Variants in EPS15L1 observed in about 807,000 individuals in gnomAD.
EPS15L1 encodes the protein epidermal growth factor receptor substrate 15-like 1.
Under a neutral mutation model 117.1 loss-of-function variants are expected in EPS15L1, and 43 were observed. The ratio of observed to expected loss-of-function variants is 0.37; its 90% CI spans 0.29 to 0.47. The LOEUF (loss-of-function observed/expected upper bound fraction) is 0.47, where lower values mean the gene tolerates loss of function less well. Ranked by LOEUF, EPS15L1 falls within the 20% of genes least tolerant of loss-of-function variation. The probability of loss-of-function intolerance (pLI) is 0.99; values close to 1 mark genes in which losing one functional copy is unlikely to be tolerated. For synonymous variants in EPS15L1, 459 were observed against 470.5 expected (o/e 0.98, Z 0.32); for missense variants, 981 against 1,164.0 (o/e 0.84, Z 2.29).
intron 1 of EPS15L1, among the ~76,000 whole-genome samples, chr19:16,456,294 A>C (rs1247640525): frequency 5.3e-5 from 8 of 152,146 alleles, no homozygotes; most frequent in African/African-American, 1.9e-4. Flanking sequence ...TTGTTTGCTC[A>C]CTCAATCAAC....
At chr19:16,401,081 G>C in intron 16 of EPS15L1, 1 of 985,374 alleles carries the variant, frequency 1.0e-6, no homozygotes, top group Non-Finnish European at 1.2e-6. Context: ...AAGGATGAAT[G>C]CTCATCGTTT....
intron 16 of EPS15L1, chr19:16,401,337 T>C (rs962350932): frequency 2.0e-6 from 2 of 984,754 alleles, no homozygotes; most frequent in African/African-American, 1.8e-5. Flanking sequence ...ACATCAAGCA[T>C]TGAACATAAA....
chr19:16,400,464 G>A (rs2092589320), intron 16 of EPS15L1, among the ~76,000 whole-genome samples: 1 of 151,594 alleles, frequency 6.6e-6, no homozygotes, highest in Non-Finnish European at 1.5e-5. Context: ...AGTTCCAGAT[G>A]TACCACTGTG....
chr19:16,416,641 TAAA>T (rs765054072), intron 12 of EPS15L1, among the ~76,000 whole-genome samples: 1 of 128,446 alleles, frequency 7.8e-6, no homozygotes. Context: ...TGTCTCAAAT[TAAA>T]AAAAAAAAAA....
At chr19:16,451,732 T>A (rs941768597) in intron 1 of EPS15L1, among the ~76,000 whole-genome samples, 1 of 148,778 alleles carries the variant, frequency 6.7e-6, no homozygotes, top group African/African-American at 2.5e-5. Flanking sequence ...GGTTTCACCA[T>A]GTTAGCCAGG....
At chr19:16,418,170 C>CGATCCCT (rs2092778827) in intron 10 of EPS15L1, 66 bp from the exon 11 acceptor site, 7 of 1,521,796 alleles carry the variant, frequency 4.6e-6, no homozygotes, top group African/African-American at 2.8e-5. Flanking sequence ...CCCAAGTCAC[C>CGATCCCT]GATCCCTTGC....
chr19:16,401,302 G>C (rs987680924), intron 16 of EPS15L1: 18 of 985,272 alleles, frequency 1.8e-5, no homozygotes, highest in Non-Finnish European at 2.2e-5. Context: ...TTGGGACTGA[G>C]GACTTGGCTG....
Position 16,401,018 on chromosome 19 carries a change from G to A in EPS15L1, c.1791+1303C>T, listed in dbSNP as rs865969580. 4.2e-5 allele frequency: 41 copies of A among 985,392 alleles called. No homozygotes were observed. In the Middle Eastern group the frequency reaches 2.1e-3, roughly 50 times the overall value. 61.0% of individuals were successfully genotyped at this position (985,392 alleles called of 1,614,324 possible). On this transcript the variant is annotated intron_variant, in intron 16 of 23. Coordinates refer to ENST00000455140, the MANE Select transcript of EPS15L1 (RefSeq NM_001258374.3). ...CGGGTTGTGAGACGGAAACACACACGCCAAGAACAGCCAGGGAGCAAAGCG... is the reference window on the plus strand; with the variant it reads ...CGGGTTGTGAGACGGAAACACACACACCAAGAACAGCCAGGGAGCAAAGCG...
At chr19:16,417,773 C>T in intron 11 of EPS15L1, 136 bp from the exon 12 acceptor site, 3 of 1,169,930 alleles carry the variant, frequency 2.6e-6, no homozygotes, top group Non-Finnish European at 3.7e-6. Flanking sequence ...TGTCAGCCCC[C>T]TGCCTGGGGA....
At chr19:16,422,207 A>C (rs1394370136) in intron 9 of EPS15L1, among the ~76,000 whole-genome samples, 1 of 152,160 alleles carries the variant, frequency 6.6e-6, no homozygotes, top group Non-Finnish European at 1.5e-5. Context: ...ACCAGCTCAC[A>C]GTTAACTTGA....
chr19:16,397,732 A>C (rs114264188), intron 16 of EPS15L1, among the ~76,000 whole-genome samples: 4,085 of 152,306 alleles, frequency 0.027, 64 homozygotes, highest in Middle Eastern at 0.044. Context: ...AGGTTCATTT[A>C]AACGAGAAGA....
intron 22 of EPS15L1, 152 bp from the exon 23 acceptor site, chr19:16,362,136 A>T (rs969249034): frequency 2.6e-6 from 2 of 765,122 alleles, no homozygotes; most frequent in Non-Finnish European, 4.0e-6. Flanking sequence ...TACCCTGGGG[A>T]ATCCCAGTTT....
At chr19:16,450,464 G>GCATGTCCA (rs961303990) in intron 1 of EPS15L1, among the ~76,000 whole-genome samples, 8 of 149,286 alleles carry the variant, frequency 5.4e-5, no homozygotes, top group African/African-American at 2.0e-4. Context: ...TGAGCCCCAG[G>GCATGTCCA]CATGTCCATC....
Position 16,394,008 on chromosome 19 carries a change from G to A in EPS15L1, c.1916-7C>T. 1 of 1,614,002 alleles carries A rather than the reference G, an allele frequency of 6.2e-7. No individual in the cohort carries two copies. Among genetic ancestry groups the A allele is most frequent in the Non-Finnish European group, 8.5e-7 (1 of 1,179,876 alleles). On this transcript the variant is annotated splice_polypyrimidine_tract_variant and splice_region_variant and intron_variant, in intron 17 of 23. Coordinates refer to ENST00000455140, the MANE Select transcript of EPS15L1 (RefSeq NM_001258374.3). ...TCATTCTGGAACGGGTCGCCTGGTTGGAAGAGGAGAGAAATGCTTATTAGC... is the reference window on the plus strand; with the variant it reads ...TCATTCTGGAACGGGTCGCCTGGTTAGAAGAGGAGAGAAATGCTTATTAGC...
At chr19:16,377,820 C>CA (rs2092314679) in intron 21 of EPS15L1, among the ~76,000 whole-genome samples, 1 of 152,228 alleles carries the variant, frequency 6.6e-6, no homozygotes, top group South Asian at 2.1e-4. Flanking sequence ...AGTGCATCCT[C>CA]ACATGCCCGG....
chr19:16,448,295 C>T (rs889855923), intron 1 of EPS15L1, among the ~76,000 whole-genome samples: 3 of 152,000 alleles, frequency 2.0e-5, no homozygotes, highest in African/African-American at 7.3e-5. Context: ...CTTTGGGAGG[C>T]CGAGGCAGGA....
chr19:16,421,172 G>C (rs2092810157), intron 10 of EPS15L1, 147 bp downstream of exon 10: 1 of 888,432 alleles, frequency 1.1e-6, no homozygotes, highest in East Asian at 2.7e-5. Flanking sequence ...CTCAGCCTCT[G>C]TCAGGCCAGG....
intron 1 of EPS15L1, among the ~76,000 whole-genome samples, chr19:16,468,731 AG>A (rs1211824282): frequency 6.6e-6 from 1 of 151,896 alleles, no homozygotes; most frequent in Admixed American, 6.6e-5. Context: ...GATGAATCCT[AG>A]CCAGATGCAG....
At chr19:16,424,231 T>G (rs927443637) in intron 9 of EPS15L1, among the ~76,000 whole-genome samples, 4 of 151,626 alleles carry the variant, frequency 2.6e-5, no homozygotes, top group Non-Finnish European at 5.9e-5. Context: ...GAAGTTGGAG[T>G]AGGGGGAGCA....
Sources: gnomAD v4.1 joint callset for allele counts (sites outside exome capture counted in the v4.1 genomes callset) on GRCh38, gnomAD v4.1.1 for gene constraint, MANE v1.5 for transcripts, NCBI Gene and HGNC (gene_info 2026-07-23, HGNC 2026-07-21) for gene names.